Variants in PSD3 observed in about 807,000 individuals in gnomAD.
PSD3 encodes the protein pleckstrin and Sec7 domain containing 3, also known as PH and SEC7 domain-containing protein 3.
PSD3 carries 49 observed loss-of-function variants against 105.5 expected under a neutral mutation model. That is an observed-to-expected ratio of 0.46 (90% CI 0.37 to 0.59). The LOEUF (loss-of-function observed/expected upper bound fraction) is 0.59, where lower values mean the gene tolerates loss of function less well. Among genes scored for constraint, PSD3 ranks in the 20% least tolerant of loss-of-function variants. The pLI is 0.00. For synonymous variants in PSD3, 557 were observed against 457.8 expected (o/e 1.22, Z -2.77); for missense variants, 1,561 against 1,263.8 (o/e 1.24, Z -3.57).
rs1402402069 is a variant in PSD3, at chr8:18,729,002, A to G, written c.2172+36447T>C. On this transcript the variant is annotated intron_variant, in intron 9 of 15. Coordinates refer to ENST00000327040, the MANE Select transcript of PSD3 (RefSeq NM_015310.4). The stretch of plus-strand genomic sequence containing the variant: ...GTATCTCAAAATGTCTGTTCAAAAA[A>G]TGTGGAATTCACAAGAAAACCTGTT... 2.0e-5 allele frequency among the ~76,000 whole-genome samples: 3 copies of G among 152,208 alleles called. No individual in the cohort carries two copies. The South Asian group carries it at 6.2e-4, about 31-fold the overall frequency.
intron 8 of PSD3, among the ~76,000 whole-genome samples, chr8:18,796,707 C>T (rs1054497892): frequency 6.6e-6 from 1 of 152,232 alleles, no homozygotes; most frequent in Admixed American, 6.5e-5. Context: ...CCCTCCCCTA[C>T]TGAAAGCATA....
intron 1 of PSD3, among the ~76,000 whole-genome samples, chr8:18,990,463 C>T (rs935178903): frequency 6.6e-6 from 1 of 152,220 alleles, no homozygotes; most frequent in African/African-American, 2.4e-5. Context: ...ACGGCATATG[C>T]TTCCTCTGGC....
At chr8:18,564,786 G>C (rs1210818145) in intron 14 of PSD3, among the ~76,000 whole-genome samples, 1 of 152,110 alleles carries the variant, frequency 6.6e-6, no homozygotes, top group Non-Finnish European at 1.5e-5. Flanking sequence ...CCACTCACCT[G>C]GCTCTGAGCA....
chr8:18,805,861 T>C (rs1053991157), intron 4 of PSD3, among the ~76,000 whole-genome samples: 1 of 152,228 alleles, frequency 6.6e-6, no homozygotes, highest in Non-Finnish European at 1.5e-5. Flanking sequence ...CTACAAATTA[T>C]TATCAGCTGT....
chr8:18,839,507 T>C (rs553835378), intron 4 of PSD3, among the ~76,000 whole-genome samples: 1 of 152,144 alleles, frequency 6.6e-6, no homozygotes, highest in East Asian at 1.9e-4. Context: ...AAAGGTGGAG[T>C]CTGTTTGCTG....
At chr8:18,575,028 C>A in intron 13 of PSD3, 100 bp downstream of exon 13, 1 of 1,278,820 alleles carries the variant, frequency 7.8e-7, no homozygotes, top group South Asian at 2.0e-5. Flanking sequence ...TTGATTCCAA[C>A]TCAAAAAATT....
At chr8:19,040,435 C>T (rs1004604595) in intron 1 of PSD3, among the ~76,000 whole-genome samples, 19 of 152,050 alleles carry the variant, frequency 1.2e-4, no homozygotes, top group Non-Finnish European at 2.6e-4. Flanking sequence ...CGAACTCCTG[C>T]GCTCAAGTGA....
chr8:18,779,268 C>T (rs1808386298), intron 8 of PSD3, among the ~76,000 whole-genome samples: 1 of 151,968 alleles, frequency 6.6e-6, no homozygotes, highest in Non-Finnish European at 1.5e-5. Flanking sequence ...TAACAATCTT[C>T]TATTTTTGTG....
intron 8 of PSD3, among the ~76,000 whole-genome samples, chr8:18,779,671 T>A (rs1377292961): frequency 2.6e-5 from 4 of 152,196 alleles, no homozygotes; most frequent in African/African-American, 9.7e-5. Flanking sequence ...AAACTTTTTG[T>A]TTCTTATTTC....
chr8:18,761,528 A>T (rs1806535950), intron 9 of PSD3, among the ~76,000 whole-genome samples: 1 of 152,176 alleles, frequency 6.6e-6, no homozygotes, highest in Admixed American at 6.5e-5. Context: ...TAGTCCCCTG[A>T]CTATTAAGAG....
At chr8:18,536,451 T>A (rs1799851588) in intron 15 of PSD3, among the ~76,000 whole-genome samples, 1 of 152,176 alleles carries the variant, frequency 6.6e-6, no homozygotes, top group Non-Finnish European at 1.5e-5. Context: ...GAGGGACCAT[T>A]CCGTGGCTAA....
At chr8:18,916,502 G>A (rs536092552) in intron 2 of PSD3, among the ~76,000 whole-genome samples, 7 of 151,640 alleles carry the variant, frequency 4.6e-5, no homozygotes, top group Admixed American at 3.3e-4. Context: ...AATACTGCAC[G>A]ATCTTATTTA....
intron 2 of PSD3, among the ~76,000 whole-genome samples, chr8:18,923,827 T>A (rs1048808296): frequency 6.6e-6 from 1 of 150,676 alleles, no homozygotes; most frequent in African/African-American, 2.5e-5. Context: ...CAAAGCTGAT[T>A]TGATCCTACT....
intron 11 of PSD3, among the ~76,000 whole-genome samples, chr8:18,622,377 A>G (rs13265094): frequency 0.36 from 55,194 of 152,026 alleles, 10,402 homozygotes; most frequent in Middle Eastern, 0.49. Context: ...TTATATCCCT[A>G]AACAATGTGC....
At chr8:19,023,393 CTATT>C (rs141650647) in intron 1 of PSD3, among the ~76,000 whole-genome samples, 11,399 of 144,994 alleles carry the variant, frequency 0.079, 800 homozygotes, top group African/African-American at 0.18. Flanking sequence ...AATATAGCCA[CTATT>C]TATTTATTTA....
chr8:19,046,757 A>G, intron 1 of PSD3, among the ~76,000 whole-genome samples: 1 of 152,208 alleles, frequency 6.6e-6, no homozygotes, highest in African/African-American at 2.4e-5. Context: ...AAAGCTGACA[A>G]AAGAAATTTC....
At chr8:18,762,252 T>C (rs954613864) in intron 9 of PSD3, among the ~76,000 whole-genome samples, 1 of 152,096 alleles carries the variant, frequency 6.6e-6, no homozygotes, top group African/African-American at 2.4e-5. Flanking sequence ...TATTTAACAG[T>C]GTGCAGCATC....
chr8:18,619,571 A>G (rs1338395305), intron 11 of PSD3, among the ~76,000 whole-genome samples: 2 of 151,636 alleles, frequency 1.3e-5, no homozygotes, highest in Non-Finnish European at 2.9e-5. Flanking sequence ...TGAACCCGGG[A>G]GGCAGAGGTT....
intron 2 of PSD3, among the ~76,000 whole-genome samples, chr8:18,886,640 G>A (rs1172390991): frequency 6.6e-6 from 1 of 152,196 alleles, no homozygotes; most frequent in Non-Finnish European, 1.5e-5. Flanking sequence ...GTTACCCATT[G>A]ATCATAGAAA....
Sources: gnomAD v4.1 joint callset for allele counts (sites outside exome capture counted in the v4.1 genomes callset) on GRCh38, gnomAD v4.1.1 for gene constraint, MANE v1.5 for transcripts, NCBI Gene and HGNC (gene_info 2026-07-23, HGNC 2026-07-21) for gene names.